Variants in POLN observed in about 807,000 individuals in gnomAD.
The protein encoded by POLN is DNA polymerase N.
POLN carries 108 observed loss-of-function variants against 113.5 expected under a neutral mutation model. The ratio of observed to expected loss-of-function variants is 0.95; its 90% confidence interval spans 0.81 to 1.12. The LOEUF is 1.12. Among genes scored for constraint, POLN ranks in the 50% most tolerant of loss-of-function variants. POLN has a pLI of 0.00. For synonymous variants in POLN, 386 were observed against 391.5 expected (o/e 0.99, Z 0.17); for missense variants, 1,097 against 1,077.1 (o/e 1.02, Z -0.26).
chr4:2,088,093 A>C (rs1303731577), intron 20 of POLN, among the ~76,000 whole-genome samples: 1 of 152,216 alleles, frequency 6.6e-6, no homozygotes, highest in Admixed American at 6.5e-5. Flanking sequence ...ATTCACATAT[A>C]AATCCAACTT....
chr4:2,113,682 A>C (rs1231623032), intron 19 of POLN, among the ~76,000 whole-genome samples: 1 of 150,914 alleles, frequency 6.6e-6, no homozygotes, highest in Admixed American at 6.6e-5. Context: ...ACATGGAGAA[A>C]CCCCATCTCT....
At chr4:2,078,268 G>A (rs938541168) in intron 23 of POLN, among the ~76,000 whole-genome samples, 3 of 152,166 alleles carry the variant, frequency 2.0e-5, no homozygotes, top group East Asian at 1.9e-4. Context: ...CAGGACAGCC[G>A]AGCCATGGCA....
At chr4:2,149,772 T>G (rs866736978) in intron 16 of POLN, among the ~76,000 whole-genome samples, 1 of 151,946 alleles carries the variant, frequency 6.6e-6, no homozygotes, top group Non-Finnish European at 1.5e-5. Flanking sequence ...GGCAACAGAG[T>G]GAGACCTGTG....
At chr4:2,234,870 T>C (rs746285701) in intron 2 of POLN, among the ~76,000 whole-genome samples, 1 of 152,142 alleles carries the variant, frequency 6.6e-6, no homozygotes, top group Non-Finnish European at 1.5e-5. Flanking sequence ...AAAAAAATGA[T>C]ATACAACTAC....
At chr4:2,219,256 T>C (rs967061281) in intron 3 of POLN, among the ~76,000 whole-genome samples, 1 of 152,190 alleles carries the variant, frequency 6.6e-6, no homozygotes, top group African/African-American at 2.4e-5. Flanking sequence ...GATGATACTT[T>C]AGGTCTCCAG....
intron 2 of POLN, chr4:2,236,274 C>T: frequency 6.2e-7 from 1 of 1,613,598 alleles, no homozygotes; most frequent in Non-Finnish European, 8.5e-7. Context: ...CAAAGTATCA[C>T]AAAGCATGTC....
At chr4:2,188,723 T>C (rs1191918713) in intron 7 of POLN, among the ~76,000 whole-genome samples, 1 of 150,964 alleles carries the variant, frequency 6.6e-6, no homozygotes, top group East Asian at 2.0e-4. Flanking sequence ...CTCAGCATAC[T>C]CTAACACTGA....
At chr4:2,193,083 A>G in intron 7 of POLN, 121 bp downstream of exon 7, 2 of 691,954 alleles carry the variant, frequency 2.9e-6, no homozygotes, top group South Asian at 3.8e-5. Context: ...GAGGCATATC[A>G]GTCTGTGTGG....
At chr4:2,151,901 C>T (rs1732305586) in intron 16 of POLN, among the ~76,000 whole-genome samples, 1 of 152,124 alleles carries the variant, frequency 6.6e-6, no homozygotes, top group African/African-American at 2.4e-5. Context: ...TTTTTTCCTT[C>T]TTTTTTTATT....
chr4:2,174,780 G>T (rs765988451), intron 9 of POLN, 29 bp from the exon 10 acceptor site: 3 of 1,467,998 alleles, frequency 2.0e-6, no homozygotes, highest in Admixed American at 1.8e-5. Flanking sequence ...TAACATCAAC[G>T]TCAATTTAAA....
intron 16 of POLN, among the ~76,000 whole-genome samples, chr4:2,135,758 G>T (rs1276531988): frequency 6.6e-6 from 1 of 152,238 alleles, no homozygotes; most frequent in Non-Finnish European, 1.5e-5. Context: ...GTGGATGAAA[G>T]CGTGGCTATC....
intron 13 of POLN, among the ~76,000 whole-genome samples, chr4:2,170,082 A>G (rs1732822349): frequency 6.6e-6 from 1 of 152,270 alleles, no homozygotes; most frequent in Admixed American, 6.5e-5. Context: ...AATGCTGGAC[A>G]GAGCACAGAA....
rs1299363321 is a variant in POLN at position 2,152,405 on chromosome 4, G to A, written c.1731+4383C>T. On this transcript the variant is annotated intron_variant, in intron 16 of 25. Transcript: ENST00000511885. ...CACCTAGGGTGAAGTGCTGTGATGCGATCACAACTCACTGCAGCCTCAAAC... is the reference window on the plus strand; with the variant it reads ...CACCTAGGGTGAAGTGCTGTGATGCAATCACAACTCACTGCAGCCTCAAAC... Among the ~76,000 whole-genome samples, 11 of 142,110 alleles carry A rather than the reference G, an allele frequency of 7.7e-5. No individual in the cohort carries two copies. In the East Asian group the frequency reaches 1.0e-3, roughly 13 times the overall value. The allele number at this position is 142,110 out of a possible 152,430, so 93.2% of individuals were successfully genotyped here.
In POLN at chr4:2,175,383, T is replaced by C. The variant is rs116316336; in HGVS notation, c.1249-632A>G. Reference sequence around the variant, plus strand: ...CCATCCTCAATTTTCTTCACTCTTTTTCATTTTTAAGATTGATTTAAGCAT... The same window carrying C: ...CCATCCTCAATTTTCTTCACTCTTTCTCATTTTTAAGATTGATTTAAGCAT... On this transcript the variant is annotated intron_variant, in intron 9 of 25. Coordinates refer to ENST00000511885, the MANE Select transcript of POLN (RefSeq NM_181808.4). Among the ~76,000 whole-genome samples the C allele has an allele frequency of 1.6e-3, 247 of 152,324 alleles. 2 individuals carry two copies. Among genetic ancestry groups the C allele is most frequent in the African/African-American group, 5.5e-3 (230 of 41,574 alleles).
At chr4:2,232,032 T>G in intron 2 of POLN, 2 of 1,516,428 alleles carry the variant, frequency 1.3e-6, no homozygotes, top group Non-Finnish European at 1.8e-6. Flanking sequence ...AGAATTCTCT[T>G]TCCATTTGAT....
intron 16 of POLN, among the ~76,000 whole-genome samples, chr4:2,153,263 T>A (rs1375280883): frequency 6.6e-6 from 1 of 152,216 alleles, no homozygotes; most frequent in Non-Finnish European, 1.5e-5. Flanking sequence ...TATATGGGCC[T>A]ATATGAGATT....
At chr4:2,236,730 G>A (rs1734781356) in intron 2 of POLN, among the ~76,000 whole-genome samples, 1 of 151,928 alleles carries the variant, frequency 6.6e-6, no homozygotes, top group Non-Finnish European at 1.5e-5. Flanking sequence ...GGGCATGGCG[G>A]CATGCACCTA....
At position 2,208,338 on chromosome 4, in the gene POLN, C is replaced by A. The variant is rs2353552; in HGVS notation, c.363G>T (p.Gln121His). The A allele has an allele frequency of 0.11, 183,240 of 1,612,932 alleles. 11,955 individuals carry two copies. Among genetic ancestry groups the A allele is most frequent in the Non-Finnish European group, 0.13 (155,215 of 1,179,514 alleles). The change falls in exon 5 of 26, where the codon CAG (glutamine) becomes CAT (histidine). Residue 121 changes from glutamine to histidine, a missense_variant. By Grantham distance (24) the Gln-to-His change is conservative (BLOSUM62 0). Transcript: ENST00000511885. ...GTAGAACTGAAGCCTCTTGATTATA[C>A]TGTGGAATTAAACAACTTGAAAGAG... ...SLTLSSCLIPQYNQEASVLQK... is the reference protein window; with the variant it reads ...SLTLSSCLIPHYNQEASVLQK...
At position 2,126,344 on chromosome 4, in the gene POLN, G is replaced by C. The variant is rs1245271057; in HGVS notation, c.1982+1769C>G. On this transcript the variant is annotated intron_variant, in intron 19 of 25. Coordinates refer to ENST00000511885, the MANE Select transcript of POLN (RefSeq NM_181808.4). The surrounding 1 kb of genome is among the most constrained non-coding windows in gnomAD (Gnocchi z 4.6). ...ATTTTGTCATTCAAGTAAGAGTCCTGTGGTGGTAGCCTTTTTGGAGAGATT... is the reference window on the plus strand; with the variant it reads ...ATTTTGTCATTCAAGTAAGAGTCCTCTGGTGGTAGCCTTTTTGGAGAGATT... Among the ~76,000 whole-genome samples, 1 of 152,218 alleles carries C rather than the reference G, an allele frequency of 6.6e-6. No individual in the cohort carries two copies.
Sources: allele counts gnomAD v4.1 joint callset (sites outside exome capture counted in the v4.1 genomes callset), GRCh38; gene constraint gnomAD v4.1.1; non-coding constraint Gnocchi (gnomAD v3.1); transcripts MANE v1.5; gene names NCBI Gene and HGNC (gene_info 2026-07-23, HGNC 2026-07-21).